Variants in ULK4 observed in about 807,000 individuals in gnomAD.
ULK4 encodes the protein inactive serine/threonine-protein kinase ULK4.
In ULK4, 133 loss-of-function variants were observed where a neutral mutation model predicts 160.6. The observed-to-expected ratio is 0.83, with a 90% confidence interval of 0.72 to 0.96. The LOEUF (loss-of-function observed/expected upper bound fraction) is 0.96. ULK4 is among the 40% of genes least tolerant of loss of function. The pLI, the probability that ULK4 is intolerant of heterozygous loss-of-function variation, is 0.00. For synonymous variants in ULK4, 534 were observed against 539.8 expected (o/e 0.99, Z 0.15); for missense variants, 1,580 against 1,499.5 (o/e 1.05, Z -0.89).
intron 22 of ULK4, among the ~76,000 whole-genome samples, chr3:41,751,808 C>T (rs2038640073): frequency 6.6e-6 from 1 of 152,092 alleles, no homozygotes; most frequent in South Asian, 2.1e-4. Context: ...CTGAGGAAGC[C>T]AGTCATGCAA....
chr3:41,756,012 G>A (rs73071304), intron 21 of ULK4, among the ~76,000 whole-genome samples: 1 of 152,104 alleles, frequency 6.6e-6, no homozygotes, highest in East Asian at 1.9e-4. Flanking sequence ...GACAGAGAGA[G>A]AGACAAATTA....
At chr3:41,740,100 T>G (rs1249698291) in intron 22 of ULK4, among the ~76,000 whole-genome samples, 1 of 151,886 alleles carries the variant, frequency 6.6e-6, no homozygotes, top group Non-Finnish European at 1.5e-5. Context: ...TTGCCCATAT[T>G]TAAACATATT....
chr3:41,528,497 A>G (rs1302659586), intron 32 of ULK4, among the ~76,000 whole-genome samples: 1 of 152,224 alleles, frequency 6.6e-6, no homozygotes, highest in Non-Finnish European at 1.5e-5. Context: ...AAATTTATTT[A>G]CCTGCCGAGT....
chr3:41,876,613 A>G (rs1328692292), intron 17 of ULK4, among the ~76,000 whole-genome samples: 1 of 152,202 alleles, frequency 6.6e-6, no homozygotes, highest in Non-Finnish European at 1.5e-5. Flanking sequence ...TGTGTGTGCA[A>G]GGCTTTTAAT....
intron 31 of ULK4, among the ~76,000 whole-genome samples, chr3:41,566,991 C>T (rs2087803831): frequency 6.6e-6 from 1 of 152,160 alleles, no homozygotes. Context: ...ACAGTGAGGA[C>T]TCCTAGGAGT....
intron 30 of ULK4, among the ~76,000 whole-genome samples, chr3:41,639,400 A>C (rs764651830): frequency 2.6e-5 from 4 of 152,196 alleles, no homozygotes; most frequent in Non-Finnish European, 4.4e-5. Context: ...AGAAGACAAA[A>C]AGAAAAGTTG....
chr3:41,414,849 A>T (rs1369821881), intron 34 of ULK4, among the ~76,000 whole-genome samples: 1 of 152,172 alleles, frequency 6.6e-6, no homozygotes, highest in African/African-American at 2.4e-5. Context: ...TTCTCTTGAG[A>T]AGGATACTTG....
intron 11 of ULK4, among the ~76,000 whole-genome samples, chr3:41,910,491 G>T (rs2148802206): frequency 6.6e-6 from 1 of 152,134 alleles, no homozygotes; most frequent in East Asian, 1.9e-4. Context: ...CTACTCTCGG[G>T]AGGCTGAGGC....
At chr3:41,808,956 C>G (rs2040735143) in intron 19 of ULK4, among the ~76,000 whole-genome samples, 1 of 151,988 alleles carries the variant, frequency 6.6e-6, no homozygotes, top group African/African-American at 2.4e-5. Flanking sequence ...ATCACGAGGT[C>G]AGAAGTTTGA....
intron 17 of ULK4, among the ~76,000 whole-genome samples, chr3:41,877,331 T>C (rs1296915160): frequency 1.1e-5 from 1 of 89,882 alleles, no homozygotes; most frequent in Non-Finnish European, 2.6e-5. Context: ...ATGTTATTAA[T>C]GGCCAAGAGT....
chr3:41,903,399 A>C (rs1295392230), intron 12 of ULK4, among the ~76,000 whole-genome samples: 2 of 152,162 alleles, frequency 1.3e-5, no homozygotes, highest in African/African-American at 4.8e-5. Context: ...AGTCTGGCCA[A>C]AATGGTGAAA....
In ULK4 at chr3:41,820,712, C is replaced by T. The variant is rs2041119667; in HGVS notation, c.1765-1206G>A. On this transcript the variant is annotated intron_variant, in intron 18 of 36. Transcript: ENST00000301831. ...ACCTGGGAGGTAGGATCAGTTGTAC[C>T]CCAAACCGCAGCATCATCCAATCTA... Among the ~76,000 whole-genome samples the T allele has an allele frequency of 2.0e-5, 3 of 152,004 alleles. No homozygotes were observed. The South Asian group carries it at 6.2e-4, about 32-fold the overall frequency.
chr3:41,784,227 G>C (rs2039936238), intron 21 of ULK4, among the ~76,000 whole-genome samples: 2 of 152,080 alleles, frequency 1.3e-5, no homozygotes, highest in Non-Finnish European at 2.9e-5. Flanking sequence ...CTGAGGTTGG[G>C]AGTTTGAGGC....
At chr3:41,755,320 T>C (rs1224392147) in intron 21 of ULK4, among the ~76,000 whole-genome samples, 1 of 152,188 alleles carries the variant, frequency 6.6e-6, no homozygotes, top group Non-Finnish European at 1.5e-5. Flanking sequence ...CTTTTCTATT[T>C]GGTGCTATGT....
chr3:41,497,394 T>C (rs1009415022), intron 32 of ULK4, among the ~76,000 whole-genome samples: 4 of 151,954 alleles, frequency 2.6e-5, no homozygotes, highest in Non-Finnish European at 5.9e-5. Flanking sequence ...CCAAATAGAC[T>C]AATGTATATA....
chr3:41,397,144 CT>C (rs1460749369), intron 35 of ULK4, among the ~76,000 whole-genome samples: 4 of 152,064 alleles, frequency 2.6e-5, no homozygotes, highest in African/African-American at 9.7e-5. Context: ...AACCCCCATC[CT>C]TTATTAACTT....
intron 32 of ULK4, among the ~76,000 whole-genome samples, chr3:41,474,916 G>T (rs530871676): frequency 6.6e-6 from 1 of 151,620 alleles, no homozygotes; most frequent in African/African-American, 2.4e-5. Context: ...TGACTATTAT[G>T]GAAAAGTATA....
intron 32 of ULK4, among the ~76,000 whole-genome samples, chr3:41,540,328 G>A (rs1423064426): frequency 6.6e-6 from 1 of 152,108 alleles, no homozygotes; most frequent in Non-Finnish European, 1.5e-5. Context: ...GAGAACGATG[G>A]CATCCAGCTT....
intron 20 of ULK4, among the ~76,000 whole-genome samples, chr3:41,798,578 A>G (rs991374605): frequency 9.9e-5 from 15 of 152,210 alleles, no homozygotes; most frequent in Admixed American, 9.2e-4. Context: ...TAGCAACATG[A>G]AAGTTATTAG....
Sources: allele counts gnomAD v4.1 joint callset (sites outside exome capture counted in the v4.1 genomes callset), GRCh38; gene constraint gnomAD v4.1.1; transcripts MANE v1.5; gene names NCBI Gene and HGNC (gene_info 2026-07-23, HGNC 2026-07-21).